Variants in GPBP1L1 observed in about 807,000 individuals in gnomAD.
The protein encoded by GPBP1L1 is GC-rich promoter binding protein 1 like 1.
Under a neutral mutation model 52.5 loss-of-function variants are expected in GPBP1L1, and 23 were observed. That is an observed-to-expected ratio of 0.44 (90% CI 0.32 to 0.62). GPBP1L1 has a LOEUF of 0.62. GPBP1L1 is among the 20% of genes least tolerant of loss of function. The pLI is 0.06. For missense variants in GPBP1L1, 596 were observed against 579.3 expected (o/e 1.03, Z -0.30); for synonymous variants, 243 against 203.1 (o/e 1.20, Z -1.67).
Position 45,655,215 on chromosome 1 carries a change from G to T in GPBP1L1, c.165C>A (p.Asn55Lys). 1 of 1,614,052 alleles carries T rather than the reference G, an allele frequency of 6.2e-7. No individual in the cohort carries two copies. The highest frequency in any genetic ancestry group is 1.3e-5 in the African/African-American group (1 of 75,002). Residue 55 changes from asparagine to lysine, a missense_variant, in exon 5 of 13, where the codon AAC becomes AAA. Asn to Lys is a moderately conservative substitution (Grantham distance 94). Transcript: ENST00000355105. ...CTCCTGCAGTTCGTAGGGGACCATTGTTAAAAAAACCATCAGAGGAATTAT... is the reference window on the plus strand; with the variant it reads ...CTCCTGCAGTTCGTAGGGGACCATTTTTAAAAAAACCATCAGAGGAATTAT... ...RRHNSSDGFF[N>K]NGPLRTAGDS...
chr1:45,687,414 T>A (rs939665531), upstream of GPBP1L1: 11 of 152,350 alleles, frequency 7.2e-5, no homozygotes, highest in African/African-American at 2.7e-4. Context: ...AACCGTGTAA[T>A]GGCTGGCAAC....
intron 2 of GPBP1L1, among the ~76,000 whole-genome samples, chr1:45,673,278 G>A (rs1645096555): frequency 6.6e-6 from 1 of 152,186 alleles, no homozygotes; most frequent in Non-Finnish European, 1.5e-5. Context: ...TAGACAGCAA[G>A]ACCTTCAGCT....
intron 2 of GPBP1L1, among the ~76,000 whole-genome samples, chr1:45,661,768 T>C (rs1644949989): frequency 6.6e-6 from 1 of 152,172 alleles, no homozygotes; most frequent in East Asian, 1.9e-4. Flanking sequence ...TTTGCTTTTT[T>C]ATATAAAAGC....
intron 10 of GPBP1L1, among the ~76,000 whole-genome samples, chr1:45,632,790 T>TAA (rs1015070430): frequency 1.6e-4 from 24 of 152,232 alleles, no homozygotes; most frequent in Admixed American, 3.9e-4. Flanking sequence ...ACACATCTAA[T>TAA]AAAGGACTAT....
intron 2 of GPBP1L1, among the ~76,000 whole-genome samples, chr1:45,682,238 T>C (rs768557439): frequency 5.9e-5 from 9 of 152,178 alleles, no homozygotes; most frequent in Non-Finnish European, 1.0e-4. Context: ...AAGATAGCAA[T>C]AATTCAGACA....
At chr1:45,669,102 A>G (rs933820023) in intron 2 of GPBP1L1, among the ~76,000 whole-genome samples, 2 of 152,278 alleles carry the variant, frequency 1.3e-5, no homozygotes, top group Non-Finnish European at 2.9e-5. Flanking sequence ...TCTATACTAT[A>G]TAAAACAATT....
At position 45,665,143 on chromosome 1, in the gene GPBP1L1, C is replaced by T. The variant is rs563763626; in HGVS notation, c.-1097-3918G>A. On this transcript the variant is annotated intron_variant, in intron 2 of 12. Coordinates refer to ENST00000355105, the MANE Select transcript of GPBP1L1 (RefSeq NM_021639.5). ...CGTCTCTACTATAAATACAAAAATT[C>T]GCTGGGTGTCGTGGCTGGCACCTGT... is the stretch of plus-strand genomic sequence containing the variant. Among the ~76,000 whole-genome samples, 159 of 151,978 alleles carry T rather than the reference C, an allele frequency of 1.0e-3. 1 individual carries two copies. The highest frequency in any genetic ancestry group is 3.7e-3 in the African/African-American group (153 of 41,448).
intron 8 of GPBP1L1, 99 bp from the exon 9 acceptor site, chr1:45,634,335 A>G (rs141987944): frequency 1.5e-4 from 183 of 1,257,030 alleles, no homozygotes; most frequent in African/African-American, 9.8e-4. Flanking sequence ...ACATGAGAAC[A>G]TAAGTTTCCA....
chr1:45,636,599 C>T (rs753920036), intron 8 of GPBP1L1, among the ~76,000 whole-genome samples: 1 of 152,138 alleles, frequency 6.6e-6, no homozygotes, highest in African/African-American at 2.4e-5. Flanking sequence ...TTCCCTCTGC[C>T]GAGAATGCCC....
Position 45,671,040 on chromosome 1 carries a change from C to T in GPBP1L1, c.-1097-9815G>A, listed in dbSNP as rs1026025802. On this transcript the variant is annotated intron_variant, in intron 2 of 12. Coordinates refer to ENST00000355105, the MANE Select transcript of GPBP1L1 (RefSeq NM_021639.5). ...AACTCCTGACCTCAAGTGATCCGCC[C>T]GCCTCAGCCTCCCAAAGTGCTGGGA... 4.5e-4 allele frequency among the ~76,000 whole-genome samples: 68 copies of T among 151,742 alleles called. 1 individual carries two copies. The highest frequency in any genetic ancestry group is 2.6e-4 in the Admixed American group (4 of 15,234).
intron 10 of GPBP1L1, 111 bp downstream of exon 10, chr1:45,633,378 T>C (rs1245698630): frequency 3.6e-6 from 4 of 1,124,862 alleles, no homozygotes; most frequent in African/African-American, 3.1e-5. Context: ...ACAGACAGTA[T>C]CTCTGTACAT....
intron 8 of GPBP1L1, among the ~76,000 whole-genome samples, chr1:45,637,543 G>GTTTTTTTTTTTTT (rs1553179402): frequency 2.6e-4 from 26 of 98,696 alleles, no homozygotes; most frequent in Middle Eastern, 6.0e-3. Flanking sequence ...CTTTATATTA[G>GTTTTTTTTTTTTT]TTTTCCAATC....
intron 5 of GPBP1L1, 138 bp downstream of exon 5, chr1:45,655,052 G>A (rs1022217908): frequency 6.7e-5 from 76 of 1,126,548 alleles, no homozygotes; most frequent in Middle Eastern, 2.0e-4. Context: ...ATGTAGTTGC[G>A]TAATGACTAC....
intron 2 of GPBP1L1, among the ~76,000 whole-genome samples, chr1:45,683,497 G>A (rs1557726505): frequency 2.7e-5 from 4 of 149,920 alleles, no homozygotes; most frequent in Non-Finnish European, 5.9e-5. Context: ...GAGCCACCGC[G>A]CCCGGCCTGA....
Position 45,654,691 on chromosome 1 carries a change from C to A in GPBP1L1, c.329G>T (p.Ser110Ile), listed in dbSNP as rs1644862076. ...GCGATGGTTCCCTGTGCCACCTCCA[C>A]TACGTTGGCTCATGCCATCATGACC... is the stretch of plus-strand genomic sequence containing the variant. The part of the protein sequence containing the change: ...SRGHDGMSQR[S>I]GGGTGNHRHW... Residue 110 changes from serine to isoleucine, a missense_variant, in exon 6 of 13, where the codon AGT becomes ATT. Physicochemically the swap from Ser to Ile is moderately radical, Grantham distance 142. Transcript: ENST00000355105. The A allele has an allele frequency of 6.2e-7, 1 of 1,614,200 alleles. No homozygotes were observed. The highest frequency in any genetic ancestry group is 1.3e-5 in the African/African-American group (1 of 75,058).
intron 2 of GPBP1L1, among the ~76,000 whole-genome samples, chr1:45,666,074 TCTCCTTTAATA>T (rs1450841643): frequency 2.0e-5 from 3 of 151,114 alleles, no homozygotes; most frequent in African/African-American, 7.3e-5. Context: ...GTCTAAAAAG[TCTCCTTTAATA>T]CTCTGTCTGG....
chr1:45,656,949 G>C (rs1011700489), intron 4 of GPBP1L1, among the ~76,000 whole-genome samples: 1 of 152,038 alleles, frequency 6.6e-6, no homozygotes, highest in Non-Finnish European at 1.5e-5. Flanking sequence ...GCCTCTCAAA[G>C]TGCTGGGATT....
chr1:45,684,866 T>C (rs2148530278), intron 2 of GPBP1L1, among the ~76,000 whole-genome samples: 1 of 152,322 alleles, frequency 6.6e-6, no homozygotes, highest in East Asian at 1.9e-4. Context: ...TGAAAAAACG[T>C]CAAAAGGTAC....
In GPBP1L1 at chr1:45,660,435, A is replaced by G. The variant is rs1644935142; in HGVS notation, c.-307T>C. 1 of 981,590 alleles carries G rather than the reference A, an allele frequency of 1.0e-6. No homozygotes were observed. Among genetic ancestry groups the G allele is most frequent in the African/African-American group, 1.7e-5 (1 of 57,156 alleles). 60.8% of individuals were successfully genotyped at this position (981,590 alleles called of 1,614,324 possible). A position where few individuals can be genotyped will look rare whatever the true frequency, so the allele number is the denominator to read the frequency against. On this transcript the variant is annotated 5_prime_UTR_variant, in exon 3 of 13. Transcript: ENST00000355105. ...GGGGAAGGGGGGAAGGGGAACATAA[A>G]AAGTATTTGTTACATTTAAAAAGGG...
Sources: allele counts gnomAD v4.1 joint callset (sites outside exome capture counted in the v4.1 genomes callset), GRCh38; gene constraint gnomAD v4.1.1; transcripts MANE v1.5; gene names NCBI Gene and HGNC (gene_info 2026-07-23, HGNC 2026-07-21).